Variants in VPS13B observed in about 807,000 individuals in gnomAD.
The protein encoded by VPS13B is vacuolar protein sorting 13 homolog B.
Under a neutral mutation model 426.4 loss-of-function variants are expected in VPS13B, and 285 were observed. That is an observed-to-expected ratio of 0.67 (90% confidence interval 0.61 to 0.74). VPS13B has a LOEUF of 0.74. Ranked by LOEUF, VPS13B falls within the 30% of genes least tolerant of loss-of-function variation. VPS13B has a pLI of 0.00. For missense variants in VPS13B, 4,537 were observed against 4,782.6 expected (o/e 0.95, Z 1.51); for synonymous variants, 1,676 against 1,676.4 (o/e 1.00, Z 0.01).
At position 99,717,370 on chromosome 8, in the gene VPS13B, A is replaced by G. The variant is rs1046756662; in HGVS notation, c.6654A>G (p.Leu2218=). The part of the protein sequence containing the change: ...KISIDLRGGL[L]QVFWGQEHLN... ...CCATTGACTTAAGAGGAGGTCTACT[A>G]CAGGTCTGTGGGTATTGGCCATATT... is the stretch of plus-strand genomic sequence containing the variant. The change falls in exon 37 of 62, where the codon CTA becomes CTG. Residue 2218 remains leucine, a synonymous_variant. Transcript: ENST00000357162. The G allele has an allele frequency of 2.5e-6, 4 of 1,613,766 alleles. No homozygotes were observed. Among genetic ancestry groups the G allele is most frequent in the Admixed American group, 3.3e-5 (2 of 59,946 alleles).
In VPS13B at chr8:99,876,684, G is replaced by GACTC. The variant is rs963337386; in HGVS notation, c.*1020_*1023dup. The GACTC allele has an allele frequency of 1.3e-5, 2 of 152,178 alleles. No individual in the cohort carries two copies. Among genetic ancestry groups the GACTC allele is most frequent in the Non-Finnish European group, 1.5e-5 (1 of 68,028 alleles). The allele number at this position is 152,178 out of a possible 1,614,324, so 9.4% of individuals were successfully genotyped here. A position where few individuals can be genotyped will look rare whatever the true frequency, so the allele number is the denominator to read the frequency against. On this transcript the variant is annotated 3_prime_UTR_variant, in exon 62 of 62. Transcript: ENST00000357162. ...ATATTTTGCATCTAAGAATGGGTTT[G>GACTC]ACTCAAGATCTTGGGTTACCAAGAT... is the stretch of plus-strand genomic sequence containing the variant.
chr8:99,535,424 G>A (rs1185031707), intron 30 of VPS13B, among the ~76,000 whole-genome samples: 1 of 152,068 alleles, frequency 6.6e-6, no homozygotes, highest in African/African-American at 2.4e-5. Context: ...CATCCTCTGT[G>A]GTGTAGACAG....
intron 30 of VPS13B, among the ~76,000 whole-genome samples, chr8:99,529,063 C>A (rs1199339628): frequency 6.6e-6 from 1 of 151,824 alleles, no homozygotes; most frequent in African/African-American, 2.4e-5. Context: ...GAAAATACAT[C>A]TACCCTTATT....
chr8:99,371,863 T>C (rs945192423), intron 19 of VPS13B, among the ~76,000 whole-genome samples: 4 of 152,020 alleles, frequency 2.6e-5, no homozygotes, highest in African/African-American at 9.7e-5. Context: ...ATACAAAAAT[T>C]AACTCAAGAT....
At chr8:99,522,257 T>G (rs982918548) in intron 30 of VPS13B, among the ~76,000 whole-genome samples, 1 of 152,172 alleles carries the variant, frequency 6.6e-6, no homozygotes, top group African/African-American at 2.4e-5. Context: ...TCAGGTGTCT[T>G]TATCTTTTCT....
Position 99,013,764 on chromosome 8 carries a change from C to A in VPS13B, c.-25C>A. On this transcript the variant is annotated 5_prime_UTR_variant, in exon 2 of 62. Transcript: ENST00000357162. ...GTTTCTGTCTACTCCTTTCAGCTTCCGACTTCGACTCCTTACCTTAAAAGA... is the reference window on the plus strand; with the variant it reads ...GTTTCTGTCTACTCCTTTCAGCTTCAGACTTCGACTCCTTACCTTAAAAGA... The A allele has an allele frequency of 6.2e-7, 1 of 1,613,908 alleles. No individual in the cohort carries two copies. The highest frequency in any genetic ancestry group is 1.7e-5 in the Admixed American group (1 of 60,012).
chr8:99,344,738 T>A (rs1811444512), intron 19 of VPS13B, among the ~76,000 whole-genome samples: 1 of 152,140 alleles, frequency 6.6e-6, no homozygotes. Context: ...GTTAGTTTTT[T>A]TCTTCTCATT....
At chr8:99,345,761 A>T (rs754246399) in intron 19 of VPS13B, among the ~76,000 whole-genome samples, 9 of 152,224 alleles carry the variant, frequency 5.9e-5, no homozygotes, top group Non-Finnish European at 1.2e-4. Flanking sequence ...TAGTCTTGTC[A>T]TCAAAAATAA....
At chr8:99,382,392 A>G (rs1234372526) in intron 19 of VPS13B, among the ~76,000 whole-genome samples, 1 of 152,182 alleles carries the variant, frequency 6.6e-6, no homozygotes, top group East Asian at 1.9e-4. Context: ...TAGGAACAGC[A>G]TTGAATCTGT....
intron 2 of VPS13B, among the ~76,000 whole-genome samples, chr8:99,034,527 T>C (rs1385777955): frequency 6.6e-6 from 1 of 152,096 alleles, no homozygotes; most frequent in Non-Finnish European, 1.5e-5. Flanking sequence ...TATATCTGTG[T>C]ATCTGGTGGA....
chr8:99,394,366 A>G (rs1358829506), intron 21 of VPS13B, among the ~76,000 whole-genome samples: 1 of 152,138 alleles, frequency 6.6e-6, no homozygotes, highest in African/African-American at 2.4e-5. Flanking sequence ...TTAATTATTC[A>G]GTTAGAAGCA....
At chr8:99,422,393 T>G (rs538441590) in intron 21 of VPS13B, among the ~76,000 whole-genome samples, 62 of 152,282 alleles carry the variant, frequency 4.1e-4, no homozygotes, top group African/African-American at 1.4e-3. Flanking sequence ...GGTTTAATAG[T>G]GCCCATACTG....
rs769873252 is a variant in VPS13B at position 99,641,902 on chromosome 8, T to C, written c.5312T>C (p.Ile1771Thr). ...SRYSGAQDSG[I>T]GSDSVKIRIV... is the part of the protein sequence containing the mutation. ...TACAGTGGTGCTCAGGATAGTGGAA[T>C]TGGCAGTGACAGTGTTAAAATCAGA... Residue 1771 changes from isoleucine (I) to threonine (T), a missense_variant, in exon 34 of 62, where the codon ATT becomes ACT. Ile to Thr is a moderately conservative substitution (Grantham distance 89, BLOSUM62 -1). This residue lies in a region of VPS13B where 4,311 missense variants were observed against 4,474.3 expected (regional missense o/e 0.96). Transcript: ENST00000357162. The C allele has an allele frequency of 6.2e-7, 1 of 1,614,098 alleles. No individual in the cohort carries two copies. Among genetic ancestry groups the C allele is most frequent in the Admixed American group, 1.7e-5 (1 of 59,992 alleles).
At chr8:99,303,353 T>TG (rs773470978) in intron 19 of VPS13B, among the ~76,000 whole-genome samples, 3 of 151,606 alleles carry the variant, frequency 2.0e-5, no homozygotes, top group Non-Finnish European at 4.4e-5. Context: ...TGGGCGCTCA[T>TG]GTCCTCTATG....
At chr8:99,014,030 C>T (rs1465724082) in intron 2 of VPS13B, 95 bp downstream of exon 2, 2 of 1,509,028 alleles carry the variant, frequency 1.3e-6, no homozygotes, top group Admixed American at 1.8e-5. Context: ...GCTGTAAAAA[C>T]GTAACTTTTC....
chr8:99,452,328 G>C (rs576406639), intron 23 of VPS13B, among the ~76,000 whole-genome samples: 5 of 152,100 alleles, frequency 3.3e-5, no homozygotes, highest in African/African-American at 1.2e-4. Context: ...CCAACTCTGT[G>C]CTGTCTTTGT....
intron 30 of VPS13B, among the ~76,000 whole-genome samples, chr8:99,530,342 C>T (rs1019325465): frequency 6.6e-6 from 1 of 151,972 alleles, no homozygotes; most frequent in Non-Finnish European, 1.5e-5. Context: ...AGGCTGAGTG[C>T]GGTGGCTGAT....
intron 35 of VPS13B, chr8:99,697,710 G>A: frequency 1.6e-6 from 1 of 630,724 alleles, no homozygotes; most frequent in Non-Finnish European, 3.0e-6. Context: ...AGATGGACCA[G>A]GGCCTGCAAG....
chr8:99,225,819 T>C (rs1433110847), intron 17 of VPS13B, among the ~76,000 whole-genome samples: 1 of 152,234 alleles, frequency 6.6e-6, no homozygotes, highest in East Asian at 1.9e-4. Flanking sequence ...GAATTCTGAT[T>C]GTATCCTTCA....
Sources: allele counts gnomAD v4.1 joint callset (sites outside exome capture counted in the v4.1 genomes callset), GRCh38; gene constraint gnomAD v4.1.1; regional missense constraint gnomAD v4.1.1; transcripts MANE v1.5; gene names NCBI Gene and HGNC (gene_info 2026-07-23, HGNC 2026-07-21).